The following RALGAPA1 variants were observed in gnomAD, a reference collection of about 807,000 sequenced individuals.
RALGAPA1 encodes the protein Ral GTPase activating protein catalytic subunit alpha 1.
In RALGAPA1, 52 loss-of-function variants were observed where a neutral mutation model predicts 269.6. The ratio of observed to expected loss-of-function variants is 0.19; its 90% CI spans 0.15 to 0.24. The LOEUF (loss-of-function observed/expected upper bound fraction) is 0.24. RALGAPA1 is among the 10% of genes least tolerant of loss of function. The pLI is 1.00. For missense variants in RALGAPA1, 1,917 were observed against 3,013.9 expected (o/e 0.64, Z 8.52); for synonymous variants, 817 against 1,008.3 (o/e 0.81, Z 3.60).
At chr14:35,654,549 T>C (rs943282678) in intron 29 of RALGAPA1, 72 bp from the exon 30 acceptor site, 2 of 1,474,478 alleles carry the variant, frequency 1.4e-6, no homozygotes, top group African/African-American at 1.5e-5. Context: ...CTGCTGAAAA[T>C]TTTTACATTT....
At chr14:35,655,201 G>T (rs981389436) in intron 29 of RALGAPA1, among the ~76,000 whole-genome samples, 1 of 152,002 alleles carries the variant, frequency 6.6e-6, no homozygotes, top group Non-Finnish European at 1.5e-5. Flanking sequence ...TATCTGTCAT[G>T]TAACTATTAT....
At chr14:35,544,080 A>C (rs191926852) in intron 41 of RALGAPA1, among the ~76,000 whole-genome samples, 1 of 152,348 alleles carries the variant, frequency 6.6e-6, no homozygotes, top group Admixed American at 6.5e-5. Flanking sequence ...CCTCCTTACA[A>C]AGGAAAAAAT....
In RALGAPA1 at chr14:35,692,619, G is replaced by A. The variant is rs140890408; in HGVS notation, c.2408-2616C>T. ...TTTTTTCTACCAATATTGTAGTACC[G>A]GAGAATTTAAATTTAAACAATGTTT... On this transcript the variant is annotated intron_variant, in intron 17 of 41. Transcript: ENST00000680220. 8.8e-3 allele frequency among the ~76,000 whole-genome samples: 1,317 copies of A among 149,794 alleles called. 18 individuals carry two copies. The highest frequency in any genetic ancestry group is 0.014 in the Non-Finnish European group (978 of 67,478).
chr14:35,741,438 A>T (rs2071541709), intron 11 of RALGAPA1, among the ~76,000 whole-genome samples: 1 of 151,612 alleles, frequency 6.6e-6, no homozygotes, highest in Non-Finnish European at 1.5e-5. Context: ...AGGGTGCTCT[A>T]TGTTTGTGTG....
chr14:35,570,512 A>T (rs146892664), intron 39 of RALGAPA1, 105 bp downstream of exon 39: 8 of 943,574 alleles, frequency 8.5e-6, no homozygotes, highest in African/African-American at 3.5e-5. Context: ...AATAATAATT[A>T]AAAAAACCCT....
At chr14:35,621,349 T>C (rs2060612906) in intron 35 of RALGAPA1, among the ~76,000 whole-genome samples, 1 of 152,184 alleles carries the variant, frequency 6.6e-6, no homozygotes, top group South Asian at 2.1e-4. Flanking sequence ...TTACACCTTA[T>C]ACAAAAATTA....
chr14:35,602,150 C>T (rs2059328482), intron 36 of RALGAPA1, among the ~76,000 whole-genome samples: 1 of 152,304 alleles, frequency 6.6e-6, no homozygotes, highest in South Asian at 2.1e-4. Flanking sequence ...TAATCACTTT[C>T]TTCCTTTTTA....
intron 16 of RALGAPA1, chr14:35,716,066 A>T: frequency 2.0e-6 from 2 of 984,940 alleles, no homozygotes; most frequent in Non-Finnish European, 2.4e-6. Context: ...CTTTCTTCCC[A>T]ATTTTTTATT....
chr14:35,581,700 T>C (rs906482115), intron 37 of RALGAPA1, among the ~76,000 whole-genome samples: 2 of 152,152 alleles, frequency 1.3e-5, no homozygotes, highest in Middle Eastern at 3.2e-3. Flanking sequence ...CCTACTACTA[T>C]GGCTATAATT....
Position 35,789,540 on chromosome 14 carries a change from C to T in RALGAPA1, c.107-13795G>A, listed in dbSNP as rs1000746210. On this transcript the variant is annotated intron_variant, in intron 1 of 41. Transcript: ENST00000680220. The stretch of plus-strand genomic sequence containing the variant: ...CTGGAAGGTGTAAGTTGCAGTGAGC[C>T]GAGATCGTGCCACTGCACTGCAGCC... Among the ~76,000 whole-genome samples the T allele has an allele frequency of 5.9e-5, 9 of 151,886 alleles. No individual in the cohort carries two copies. In the South Asian group the frequency reaches 1.0e-3, roughly 18 times the overall value.
At chr14:35,601,195 C>A (rs1303155277) in intron 36 of RALGAPA1, among the ~76,000 whole-genome samples, 1 of 152,190 alleles carries the variant, frequency 6.6e-6, no homozygotes, top group East Asian at 1.9e-4. Flanking sequence ...CTCCATGAGG[C>A]CTCCTCTGAA....
chr14:35,789,541 G>A (rs2076013224), intron 1 of RALGAPA1, among the ~76,000 whole-genome samples: 1 of 152,010 alleles, frequency 6.6e-6, no homozygotes, highest in African/African-American at 2.4e-5. Flanking sequence ...GCAGTGAGCC[G>A]AGATCGTGCC....
chr14:35,765,200 T>A (rs561922440), intron 4 of RALGAPA1, among the ~76,000 whole-genome samples: 1 of 152,214 alleles, frequency 6.6e-6, no homozygotes, highest in Non-Finnish European at 1.5e-5. Context: ...TGTCCATCCC[T>A]ACATCAGTAA....
At chr14:35,599,825 C>A (rs2059163949) in intron 36 of RALGAPA1, among the ~76,000 whole-genome samples, 1 of 147,012 alleles carries the variant, frequency 6.8e-6, no homozygotes, top group South Asian at 2.1e-4. Flanking sequence ...CAGCACCTGG[C>A]TCCCACAGTT....
chr14:35,541,040 AT>A lies in RALGAPA1; in HGVS notation c.*24-1351del, dbSNP rs559979336. 8.6e-3 allele frequency among the ~76,000 whole-genome samples: 768 copies of A among 89,172 alleles called. 6 individuals carry two copies. The highest frequency in any genetic ancestry group is 0.055 in the East Asian group (129 of 2,338). 58.5% of individuals were successfully genotyped at this position (89,172 alleles called of 152,430 possible). ...GAATATGTCTTTGCAGAACACTTCAATTTTTTTTTTTTTTTTTTTTTTTTGA... is the reference window on the plus strand; with the variant it reads ...GAATATGTCTTTGCAGAACACTTCAATTTTTTTTTTTTTTTTTTTTTTTGA... On this transcript the variant is annotated intron_variant, in intron 41 of 41. Transcript: ENST00000680220.
chr14:35,605,929 C>T (rs1213650138), intron 35 of RALGAPA1, among the ~76,000 whole-genome samples: 1 of 152,058 alleles, frequency 6.6e-6, no homozygotes, highest in East Asian at 1.9e-4. Context: ...ACTGCAAAAA[C>T]AGAAACTTAA....
chr14:35,739,040 CA>C (rs33977985), intron 11 of RALGAPA1, among the ~76,000 whole-genome samples: 107,500 of 151,242 alleles, frequency 0.71, 38,393 homozygotes, highest in East Asian at 0.97. Flanking sequence ...AAATAAATGA[CA>C]AAAAAAAAAA....
At chr14:35,600,232 C>CTTTTTTTTTTTTTTTTTTTTTTTTTT (rs71124708) in intron 36 of RALGAPA1, among the ~76,000 whole-genome samples, 3 of 86,942 alleles carry the variant, frequency 3.5e-5, no homozygotes, top group Non-Finnish European at 4.7e-5. Context: ...TTCTTTTTTT[C>CTTTTTTTTTTTTTTTTTTTTTTTTTT]TTTTTTTTTT....
rs142600869 is a variant in RALGAPA1 at position 35,754,741 on chromosome 14, C to A, written c.663+2052G>T. On this transcript the variant is annotated intron_variant, in intron 7 of 41. Coordinates refer to ENST00000680220, the MANE Select transcript of RALGAPA1 (RefSeq NM_001346249.2). The stretch of plus-strand genomic sequence containing the variant: ...TATGTCCACACAAAAACTTGTTTAC[C>A]AATATTCACAGCAGTTTTACTTTAA... 3.2e-4 allele frequency among the ~76,000 whole-genome samples: 49 copies of A among 152,214 alleles called. 1 individual carries two copies. The East Asian group carries it at 9.4e-3, about 29-fold the overall frequency.
Sources: gnomAD v4.1 joint callset for allele counts (sites outside exome capture counted in the v4.1 genomes callset) on GRCh38, gnomAD v4.1.1 for gene constraint, MANE v1.5 for transcripts, NCBI Gene and HGNC (gene_info 2026-07-23, HGNC 2026-07-21) for gene names.